The following UCHL5 variants were observed in gnomAD, a reference collection of about 807,000 sequenced individuals.
The protein encoded by UCHL5 is ubiquitin carboxyl-terminal hydrolase isozyme L5.
A neutral mutation model predicts 53.8 loss-of-function variants in UCHL5; 34 were observed. The ratio of observed to expected loss-of-function variants is 0.63; its 90% confidence interval spans 0.48 to 0.84. The LOEUF is 0.84. Among genes scored for constraint, UCHL5 ranks in the 40% least tolerant of loss-of-function variants. The pLI is 0.00. For missense variants in UCHL5, 290 were observed against 385.6 expected (o/e 0.75, Z 2.08); for synonymous variants, 111 against 126.3 (o/e 0.88, Z 0.81).
rs762535915 is a variant in UCHL5, at chr1:193,023,886, T to C, written c.690A>G (p.Ile230Met). The change falls in exon 8 of 11, where the codon ATA (isoleucine) becomes ATG (methionine). Residue 230 changes from isoleucine to methionine, a missense_variant. By Grantham distance (10) the Ile-to-Met change is conservative. Transcript: ENST00000367454. The part of the protein sequence containing the change: ...LMAIVSDRKM[I>M]YEQKIAELQR... ...GTAACTCTGCTATCTTCTGCTCATATATCATTTTTCTGTCAGACACAATGG... is the reference window on the plus strand; with the variant it reads ...GTAACTCTGCTATCTTCTGCTCATACATCATTTTTCTGTCAGACACAATGG... The C allele has an allele frequency of 1.9e-6, 3 of 1,613,244 alleles. No homozygotes were observed. The highest frequency in any genetic ancestry group is 2.5e-6 in the Non-Finnish European group (3 of 1,179,758).
intron 9 of UCHL5, 94 bp from the exon 10 acceptor site, chr1:193,021,289 A>G: frequency 1.4e-6 from 1 of 729,930 alleles, no homozygotes; most frequent in Non-Finnish European, 2.3e-6. Flanking sequence ...TGGTATATCC[A>G]TTCTCATAAG....
chr1:193,058,629 C>A (rs966494634), intron 1 of UCHL5, among the ~76,000 whole-genome samples: 2 of 152,260 alleles, frequency 1.3e-5, no homozygotes, highest in African/African-American at 2.4e-5. Flanking sequence ...AGTGAAGTGG[C>A]CTTTCAGGCC....
At chr1:193,050,480 T>A (rs1217017474) in intron 2 of UCHL5, among the ~76,000 whole-genome samples, 1 of 152,048 alleles carries the variant, frequency 6.6e-6, no homozygotes, top group Admixed American at 6.6e-5. Flanking sequence ...AGCCTGTAAT[T>A]CCAGCACTTT....
chr1:193,041,021 T>C (rs1665383240), intron 3 of UCHL5, among the ~76,000 whole-genome samples: 1 of 152,140 alleles, frequency 6.6e-6, no homozygotes, highest in African/African-American at 2.4e-5. Context: ...GGGAGTTTCA[T>C]TAATAGGTAC....
At chr1:193,028,201 T>C (rs1660059566) in intron 6 of UCHL5, 53 bp from the exon 7 acceptor site, 1 of 1,459,146 alleles carries the variant, frequency 6.9e-7, no homozygotes, top group African/African-American at 1.4e-5. Context: ...AACAATCAAC[T>C]TTAAAATGCA....
intron 7 of UCHL5, 99 bp downstream of exon 7, chr1:193,027,986 A>T: frequency 6.4e-7 from 1 of 1,555,518 alleles, no homozygotes; most frequent in Non-Finnish European, 8.6e-7. Flanking sequence ...AAAAAAAAGT[A>T]GATGTTCAAT....
intron 7 of UCHL5, among the ~76,000 whole-genome samples, chr1:193,026,921 A>G (rs1295222054): frequency 6.6e-6 from 1 of 152,248 alleles, no homozygotes; most frequent in Non-Finnish European, 1.5e-5. Flanking sequence ...ATGAATAAAA[A>G]AATGAACTAC....
chr1:193,047,462 C>T (rs1013389813), intron 3 of UCHL5, among the ~76,000 whole-genome samples: 3 of 152,012 alleles, frequency 2.0e-5, no homozygotes, highest in Admixed American at 6.6e-5. Context: ...GTTCTAATTT[C>T]TCTAAGAATA....
chr1:193,047,262 T>C (rs910995086), intron 3 of UCHL5, among the ~76,000 whole-genome samples: 2 of 152,140 alleles, frequency 1.3e-5, no homozygotes, highest in African/African-American at 4.8e-5. Flanking sequence ...CAATGATTAC[T>C]TGTTGATTAA....
chr1:193,059,609 A>C, upstream of UCHL5: 1 of 1,436,886 alleles, frequency 7.0e-7, no homozygotes, highest in Non-Finnish European at 9.4e-7. This position sits in a 1 kb window ranked among gnomAD's most constrained non-coding sequence, Gnocchi z 4.9. Context: ...GAAGAGGGGC[A>C]GGACTCGTTC....
At chr1:193,053,913 C>T (rs539271186) in intron 1 of UCHL5, among the ~76,000 whole-genome samples, 2 of 151,176 alleles carry the variant, frequency 1.3e-5, no homozygotes, top group Admixed American at 1.3e-4. Flanking sequence ...GAGACAAGCA[C>T]ATACAATGCA....
intron 1 of UCHL5, among the ~76,000 whole-genome samples, chr1:193,058,293 T>C (rs1013358964): frequency 5.3e-5 from 8 of 152,188 alleles, no homozygotes; most frequent in African/African-American, 1.9e-4. Flanking sequence ...GAACAACATA[T>C]GCTTGATAAA....
chr1:193,049,941 AAATAT>A (rs1380256254), intron 2 of UCHL5, 90 bp from the exon 3 acceptor site: 4 of 1,100,200 alleles, frequency 3.6e-6, no homozygotes, highest in African/African-American at 1.6e-5. Context: ...GTTATCTAAC[AAATAT>A]AATACAAATG....
intron 1 of UCHL5, among the ~76,000 whole-genome samples, chr1:193,057,672 T>C (rs1671066842): frequency 6.6e-6 from 1 of 152,228 alleles, no homozygotes; most frequent in Non-Finnish European, 1.5e-5. Flanking sequence ...GCATACAATC[T>C]GTCCTCAGTT....
chr1:193,037,027 G>A (rs777359182), intron 3 of UCHL5, among the ~76,000 whole-genome samples: 3 of 151,546 alleles, frequency 2.0e-5, no homozygotes, highest in Non-Finnish European at 4.4e-5. Flanking sequence ...AATTCATAGC[G>A]AAAATATCAA....
In UCHL5 at chr1:193,037,406, A is replaced by G. The variant is rs373566717; in HGVS notation, c.247-7749T>C. Among the ~76,000 whole-genome samples, 14 of 152,266 alleles carry G rather than the reference A, an allele frequency of 9.2e-5. 1 individual carries two copies. Among genetic ancestry groups the G allele is most frequent in the African/African-American group, 3.4e-4 (14 of 41,564 alleles). ...AACCTAGAAATGGACAAATTCCTAG[A>G]TACATACAACCTACCAAGACTGAAC... On this transcript the variant is annotated intron_variant, in intron 3 of 10. Transcript: ENST00000367454.
chr1:193,036,391 G>T (rs1412014964), intron 3 of UCHL5, among the ~76,000 whole-genome samples: 1 of 129,776 alleles, frequency 7.7e-6, no homozygotes, highest in African/African-American at 2.9e-5. Flanking sequence ...ACAAAGCAAA[G>T]ACTATAAAAA....
At chr1:193,018,686 G>A in intron 10 of UCHL5, 1 of 1,303,970 alleles carries the variant, frequency 7.7e-7, no homozygotes, top group Non-Finnish European at 9.8e-7. Flanking sequence ...ACAGATTATA[G>A]GCAACTGCCT....
chr1:193,027,784 A>G, intron 7 of UCHL5: 1 of 621,596 alleles, frequency 1.6e-6, no homozygotes, highest in Non-Finnish European at 2.6e-6. Context: ...CATGAAATTT[A>G]GAGATTTTCT....
Sources: allele counts gnomAD v4.1 joint callset (sites outside exome capture counted in the v4.1 genomes callset), GRCh38; gene constraint gnomAD v4.1.1; non-coding constraint Gnocchi (gnomAD v3.1); transcripts MANE v1.5; gene names NCBI Gene and HGNC (gene_info 2026-07-23, HGNC 2026-07-21).